ROR1: variants seen among roughly 807,000 people sequenced by gnomAD.
The protein encoded by ROR1 is ROR family WNT receptor 1, also known as inactive tyrosine-protein kinase transmembrane receptor ROR1.
ROR1 carries 19 observed loss-of-function variants against 78.8 expected under a neutral mutation model. The observed-to-expected ratio is 0.24, with a 90% CI of 0.17 to 0.35. The LOEUF (loss-of-function observed/expected upper bound fraction) is 0.35, where lower values mean the gene tolerates loss of function less well. ROR1 is among the 10% of genes least tolerant of loss of function. The pLI is 1.00. For missense variants in ROR1, 917 were observed against 1,177.8 expected, an observed-to-expected ratio of 0.78 and a Z score of 3.24; for synonymous variants, 386 against 433.6, an observed-to-expected ratio of 0.89 and a Z score of 1.36.
At chr1:63,866,613 T>C (rs569944489) in intron 1 of ROR1, among the ~76,000 whole-genome samples, 1 of 152,306 alleles carries the variant, frequency 6.6e-6, no homozygotes, top group African/African-American at 2.4e-5. Flanking sequence ...CTAGCCTTTT[T>C]TTTTGGTTTT....
In ROR1 at chr1:63,854,746, G is replaced by A. The variant is rs558776628; in HGVS notation, c.91+80238G>A. ...AATGAATGAATAAAGAAGAAAAAGTGATGAAAGAAGAAAAACTACAGTCGT... is the reference window on the plus strand; with the variant it reads ...AATGAATGAATAAAGAAGAAAAAGTAATGAAAGAAGAAAAACTACAGTCGT... On this transcript the variant is annotated intron_variant, in intron 1 of 8. Coordinates refer to ENST00000371079, the MANE Select transcript of ROR1 (RefSeq NM_005012.4). Among the ~76,000 whole-genome samples, 11 of 152,290 alleles carry A rather than the reference G, an allele frequency of 7.2e-5. No individual in the cohort carries two copies. The East Asian group carries it at 1.5e-3, about 21-fold the overall frequency.
intron 4 of ROR1, among the ~76,000 whole-genome samples, chr1:64,088,131 A>G (rs935727021): frequency 6.6e-6 from 1 of 152,202 alleles, no homozygotes; most frequent in African/African-American, 2.4e-5. Flanking sequence ...ATTTTAGTTC[A>G]GTCTCTTTGC....
At chr1:64,038,996 T>C (rs1164973362) in intron 2 of ROR1, among the ~76,000 whole-genome samples, 1 of 152,180 alleles carries the variant, frequency 6.6e-6, no homozygotes. Context: ...TGAAAAGCAG[T>C]AGAGCAGATA....
intron 1 of ROR1, among the ~76,000 whole-genome samples, chr1:63,846,118 ATGTGTGTGTGTGTGTGTGTG>A (rs71056009): frequency 0.031 from 4,287 of 136,384 alleles, 77 homozygotes; most frequent in South Asian, 0.052. Flanking sequence ...GAGAGAGAGA[ATGTGTGTGTGTGTGTGTGTG>A]TGTGTGTGTG....
intron 1 of ROR1, among the ~76,000 whole-genome samples, chr1:63,932,095 C>T (rs1004706868): frequency 1.3e-5 from 2 of 152,100 alleles, no homozygotes; most frequent in African/African-American, 2.4e-5. Context: ...TATAAAGTAC[C>T]TAGCTCAGGG....
chr1:63,815,053 C>A (rs2100275035), intron 1 of ROR1, among the ~76,000 whole-genome samples: 1 of 152,188 alleles, frequency 6.6e-6, no homozygotes, highest in South Asian at 2.1e-4. Flanking sequence ...TAGCTTTGAT[C>A]TCTTTGGAAA....
intron 1 of ROR1, among the ~76,000 whole-genome samples, chr1:63,887,055 G>A (rs1301526722): frequency 6.6e-6 from 1 of 152,212 alleles, no homozygotes; most frequent in Non-Finnish European, 1.5e-5. Context: ...GAGACCTTGT[G>A]TCTCCACCTG....
At chr1:63,874,822 C>T (rs191871334) in intron 1 of ROR1, among the ~76,000 whole-genome samples, 117 of 152,234 alleles carry the variant, frequency 7.7e-4, no homozygotes, top group Non-Finnish European at 1.4e-3. Flanking sequence ...GACATTGCTT[C>T]CACATTTTCT....
chr1:64,028,277 A>T (rs1646630502), intron 2 of ROR1, among the ~76,000 whole-genome samples: 1 of 152,204 alleles, frequency 6.6e-6, no homozygotes, highest in Non-Finnish European at 1.5e-5. Flanking sequence ...AATAAGTAAT[A>T]TGCATCTGTC....
intron 1 of ROR1, among the ~76,000 whole-genome samples, chr1:63,895,048 G>A (rs1239956087): frequency 6.6e-6 from 1 of 152,190 alleles, no homozygotes; most frequent in Non-Finnish European, 1.5e-5. Flanking sequence ...GATGACACAT[G>A]ACATGGAGAA....
chr1:64,152,781 A>C (rs2100723702), intron 7 of ROR1, among the ~76,000 whole-genome samples: 1 of 152,298 alleles, frequency 6.6e-6, no homozygotes, highest in Admixed American at 6.5e-5. Flanking sequence ...TGGCCATTTC[A>C]AGTTTGATAA....
At chr1:64,012,727 T>A (rs1250583204) in intron 2 of ROR1, among the ~76,000 whole-genome samples, 1 of 152,116 alleles carries the variant, frequency 6.6e-6, no homozygotes, top group African/African-American at 2.4e-5. Context: ...AGTGGACCAA[T>A]TTGAGAGAGT....
intron 4 of ROR1, among the ~76,000 whole-genome samples, chr1:64,117,922 TG>T (rs1648374903): frequency 6.6e-6 from 1 of 152,278 alleles, no homozygotes; most frequent in Non-Finnish European, 1.5e-5. Context: ...AAACAGGGAC[TG>T]GGTACCTTGG....
intron 4 of ROR1, 101 bp downstream of exon 4, chr1:64,050,817 TC>T: frequency 3.5e-6 from 4 of 1,147,034 alleles, no homozygotes; most frequent in Non-Finnish European, 5.3e-6. Flanking sequence ...AATACTGGCT[TC>T]CAGATGTCAT....
In ROR1 at chr1:63,999,135, G is replaced by A. The variant is rs376766364; in HGVS notation, c.92-10170G>A. Among the ~76,000 whole-genome samples, 6 of 152,318 alleles carry A rather than the reference G, an allele frequency of 3.9e-5. No individual in the cohort carries two copies. The East Asian group carries it at 7.7e-4, about 20-fold the overall frequency. ...AACAGACTAATACAGAAATACAGAC[G>A]TATACATGGCCAAGGCCAAATCACT... On this transcript the variant is annotated intron_variant, in intron 1 of 8. Transcript: ENST00000371079.
intron 8 of ROR1, among the ~76,000 whole-genome samples, chr1:64,168,689 T>C (rs1650155431): frequency 6.6e-6 from 1 of 152,220 alleles, no homozygotes; most frequent in Admixed American, 6.5e-5. Flanking sequence ...ACCTAATAAA[T>C]GCTGGTTAAT....
intron 1 of ROR1, among the ~76,000 whole-genome samples, chr1:63,825,946 C>T (rs1644950627): frequency 6.6e-6 from 1 of 152,114 alleles, no homozygotes; most frequent in Non-Finnish European, 1.5e-5. Context: ...TCAGTTCCCT[C>T]ATCTATAAGA....
At chr1:64,169,046 C>G (rs1247235993) in intron 8 of ROR1, among the ~76,000 whole-genome samples, 1 of 152,208 alleles carries the variant, frequency 6.6e-6, no homozygotes, top group East Asian at 1.9e-4. Context: ...GATGCCTGCT[C>G]TGATGTAGAC....
chr1:64,019,811 G>A (rs566425549), intron 2 of ROR1, among the ~76,000 whole-genome samples: 15 of 152,172 alleles, frequency 9.9e-5, no homozygotes, highest in Non-Finnish European at 2.1e-4. Context: ...CAAAAGATGT[G>A]TCCATGTCCT....
Sources: gnomAD v4.1 joint callset for allele counts (sites outside exome capture counted in the v4.1 genomes callset) on GRCh38, gnomAD v4.1.1 for gene constraint, MANE v1.5 for transcripts, NCBI Gene and HGNC (gene_info 2026-07-23, HGNC 2026-07-21) for gene names.